The following GPC6 variants were observed in gnomAD, a reference collection of about 807,000 sequenced individuals.
The protein encoded by GPC6 is glypican-6.
GPC6 carries 14 observed loss-of-function variants against 55.2 expected under a neutral mutation model. The observed-to-expected ratio is 0.25, with a 90% CI of 0.17 to 0.40. The LOEUF (loss-of-function observed/expected upper bound fraction) is 0.40, where lower values mean the gene tolerates loss of function less well. GPC6 is among the 10% of genes least tolerant of loss of function. GPC6 has a pLI of 1.00. For missense variants in GPC6, 641 were observed against 708.5 expected (o/e 0.90, Z 1.08); for synonymous variants, 278 against 259.6 (o/e 1.07, Z -0.68).
intron 2 of GPC6, among the ~76,000 whole-genome samples, chr13:93,794,214 C>A (rs1450490405): frequency 6.6e-6 from 1 of 152,012 alleles, no homozygotes; most frequent in African/African-American, 2.4e-5. Context: ...TTTAAATGCC[C>A]AGGGATAAAC....
intron 2 of GPC6, among the ~76,000 whole-genome samples, chr13:93,792,871 C>G (rs1053527359): frequency 2.0e-5 from 3 of 152,012 alleles, no homozygotes; most frequent in African/African-American, 4.8e-5. Flanking sequence ...GGACATATGC[C>G]CCACATAAGA....
intron 2 of GPC6, among the ~76,000 whole-genome samples, chr13:93,782,665 T>C (rs1395885570): frequency 2.0e-5 from 3 of 152,190 alleles, no homozygotes; most frequent in Non-Finnish European, 2.9e-5. Flanking sequence ...GATTTGCATT[T>C]ACCTGATGAT....
At chr13:93,824,910 C>G (rs768163529) in intron 2 of GPC6, among the ~76,000 whole-genome samples, 1 of 152,046 alleles carries the variant, frequency 6.6e-6, no homozygotes, top group Non-Finnish European at 1.5e-5. Flanking sequence ...TATCATGTAA[C>G]AGGCACCATA....
intron 3 of GPC6, among the ~76,000 whole-genome samples, chr13:93,926,899 G>A (rs913935228): frequency 6.6e-6 from 1 of 152,112 alleles, no homozygotes; most frequent in Non-Finnish European, 1.5e-5. Context: ...GTGTAGTTCC[G>A]TATTTGAATC....
intron 4 of GPC6, among the ~76,000 whole-genome samples, chr13:94,096,478 CAG>C (rs1215478073): frequency 6.6e-6 from 1 of 152,144 alleles, no homozygotes; most frequent in Non-Finnish European, 1.5e-5. Flanking sequence ...TTTATTGTTT[CAG>C]AGTCTTTCTC....
intron 1 of GPC6, among the ~76,000 whole-genome samples, chr13:93,463,517 T>C (rs927901667): frequency 6.6e-6 from 1 of 152,200 alleles, no homozygotes. Flanking sequence ...AGCCCAGGTC[T>C]CTGCCATGTT....
intron 2 of GPC6, among the ~76,000 whole-genome samples, chr13:93,613,700 C>T (rs947608856): frequency 2.0e-5 from 3 of 152,124 alleles, no homozygotes; most frequent in African/African-American, 7.2e-5. Flanking sequence ...GAACTTGCTT[C>T]TTGCTCCATC....
chr13:93,492,330 G>A lies in GPC6; in HGVS notation c.161-52933G>A, dbSNP rs1369204270. On this transcript the variant is annotated intron_variant, in intron 1 of 8. Transcript: ENST00000377047. ...TGATTTGGCTCTCTGTTTGTCTGTT[G>A]TTGGTGTATAAGAATGCTTGTGATT... Among the ~76,000 whole-genome samples, 3 of 134,972 alleles carry A rather than the reference G, an allele frequency of 2.2e-5. No homozygotes were observed. The East Asian group carries it at 6.5e-4, about 29-fold the overall frequency. The allele number at this position is 134,972 out of a possible 152,430, so 88.5% of individuals were successfully genotyped here.
chr13:93,511,428 G>A (rs547094211), intron 1 of GPC6, among the ~76,000 whole-genome samples: 1 of 126,004 alleles, frequency 7.9e-6, no homozygotes, highest in East Asian at 2.1e-4. Context: ...ATTTATTGAA[G>A]GTGGTTTCCT....
At position 93,696,388 on chromosome 13, in the gene GPC6, A is replaced by G. The variant is rs150557956; in HGVS notation, c.320-133766A>G. Among the ~76,000 whole-genome samples the G allele has an allele frequency of 2.4e-4, 36 of 152,304 alleles. 1 individual carries two copies. The East Asian group carries it at 5.2e-3, about 22-fold the overall frequency. ...AATAATCCACATACTAAATAAAGAT[A>G]AGCAATGAAATTTAGCAATCCTTTT... is the stretch of plus-strand genomic sequence containing the variant. On this transcript the variant is annotated intron_variant, in intron 2 of 8. Coordinates refer to ENST00000377047, the MANE Select transcript of GPC6 (RefSeq NM_005708.5).
intron 4 of GPC6, among the ~76,000 whole-genome samples, chr13:94,098,689 G>GA: frequency 6.6e-6 from 1 of 151,772 alleles, no homozygotes; most frequent in Non-Finnish European, 1.5e-5. Flanking sequence ...TTCTGAATAG[G>GA]AAAAAATGGG....
At chr13:94,134,186 T>C (rs1887103126) in intron 4 of GPC6, among the ~76,000 whole-genome samples, 1 of 152,234 alleles carries the variant, frequency 6.6e-6, no homozygotes, top group African/African-American at 2.4e-5. Context: ...CTTTGAATGC[T>C]GAATTACTAA....
chr13:93,979,950 A>G (rs1385608289), intron 3 of GPC6, among the ~76,000 whole-genome samples: 2 of 152,260 alleles, frequency 1.3e-5, no homozygotes, highest in East Asian at 3.9e-4. Context: ...TGCAAATTAA[A>G]AAAACAAGTA....
chr13:94,346,528 C>T (rs1441584023), intron 6 of GPC6, among the ~76,000 whole-genome samples: 1 of 152,000 alleles, frequency 6.6e-6, no homozygotes, highest in East Asian at 1.9e-4. Flanking sequence ...TGAGACCAGC[C>T]TGGCCAACAT....
intron 4 of GPC6, among the ~76,000 whole-genome samples, chr13:94,057,985 C>T (rs1476548102): frequency 6.6e-6 from 1 of 152,174 alleles, no homozygotes; most frequent in Non-Finnish European, 1.5e-5. Context: ...GTCATTACCC[C>T]AAAACCCTGT....
intron 4 of GPC6, among the ~76,000 whole-genome samples, chr13:94,179,633 G>A (rs1177375179): frequency 3.3e-5 from 5 of 152,100 alleles, no homozygotes; most frequent in Non-Finnish European, 5.9e-5. Context: ...GAAAATAAAT[G>A]GAAAGTGAAT....
intron 4 of GPC6, among the ~76,000 whole-genome samples, chr13:94,275,738 G>GAA (rs138940825): frequency 1.0e-4 from 15 of 148,580 alleles, no homozygotes; most frequent in South Asian, 4.2e-4. Context: ...ATATCAAAAT[G>GAA]AAAAAAAAAT....
intron 2 of GPC6, among the ~76,000 whole-genome samples, chr13:93,612,069 C>A (rs1166429271): frequency 6.6e-6 from 1 of 152,188 alleles, no homozygotes; most frequent in Non-Finnish European, 1.5e-5. Context: ...CTGAATTTGT[C>A]ATGTTTCCAA....
intron 6 of GPC6, among the ~76,000 whole-genome samples, chr13:94,340,005 C>T (rs1877950240): frequency 6.6e-6 from 1 of 151,758 alleles, no homozygotes; most frequent in Non-Finnish European, 1.5e-5. Context: ...TCAGGTGATC[C>T]ACCCGCCTCA....
Sources: allele counts gnomAD v4.1 joint callset (sites outside exome capture counted in the v4.1 genomes callset), GRCh38; gene constraint gnomAD v4.1.1; transcripts MANE v1.5; gene names NCBI Gene and HGNC (gene_info 2026-07-23, HGNC 2026-07-21).